The following FLACC1 variants were observed in gnomAD, a reference collection of about 807,000 sequenced individuals.
FLACC1 encodes flagellum associated containing coiled-coil domains 1.
FLACC1 carries 66 observed loss-of-function variants against 62.8 expected under a neutral mutation model. The ratio of observed to expected loss-of-function variants is 1.05; its 90% CI spans 0.86 to 1.29. The LOEUF (loss-of-function observed/expected upper bound fraction) is 1.29, where lower values mean the gene tolerates loss of function less well. FLACC1 is among the 50% of genes most tolerant of loss of function. FLACC1 has a pLI of 0.00. For synonymous variants in FLACC1, 156 were observed against 161.0 expected (o/e 0.97, Z 0.24); for missense variants, 452 against 489.1 (o/e 0.92, Z 0.71).
chr2:201,344,137 C>T (rs754150905), intron 6 of FLACC1, 33 bp downstream of exon 6: 13 of 1,535,492 alleles, frequency 8.5e-6, no homozygotes, highest in East Asian at 2.3e-5. Flanking sequence ...TTATTTTGTC[C>T]ATGAAGATGT....
chr2:201,350,979 T>C (rs1226611072), intron 2 of FLACC1, among the ~76,000 whole-genome samples, 197 bp from the exon 3 acceptor site: 1 of 152,212 alleles, frequency 6.6e-6, no homozygotes, highest in Non-Finnish European at 1.5e-5. Context: ...AGGAAGAGTT[T>C]GTCCCCCGAT....
intron 11 of FLACC1, among the ~76,000 whole-genome samples, chr2:201,300,483 T>C (rs2080303): frequency 0.72 from 109,497 of 152,058 alleles, 39,804 homozygotes; most frequent in South Asian, 0.83. Context: ...CCTCTGTAGA[T>C]TCCACTTCTG....
In FLACC1 at chr2:201,346,594, C is replaced by T. The variant is rs145567699; in HGVS notation, c.316G>A (p.Asp106Asn). 6.8e-6 allele frequency: 11 copies of T among 1,614,110 alleles called. No homozygotes were observed. The highest frequency in any genetic ancestry group is 1.6e-4 in the Middle Eastern group (1 of 6,084). The change falls in exon 5 of 15, where the codon GAT becomes AAT. Residue 106 changes from aspartate (D) to asparagine (N), a missense_variant. Asp to Asn is a conservative substitution (Grantham distance 23). Transcript: ENST00000392257. This position sits in a 1 kb window ranked among gnomAD's most constrained non-coding sequence, Gnocchi z 4.0. ...ISVTLGDEMFDRKKRWESEIP... is the reference protein window; with the variant it reads ...ISVTLGDEMFNRKKRWESEIP... ...TCCGATTCCCACCGCTTTTTCCTAT[C>T]AAACATCTCATCCCCTAAGGTGACA...
At chr2:201,362,251 A>G (rs988620872), upstream of FLACC1, among the ~76,000 whole-genome samples, 4 of 152,212 alleles carry the variant, frequency 2.6e-5, no homozygotes, top group Non-Finnish European at 5.9e-5. Flanking sequence ...ACTAAATTTG[A>G]TATCAAAGTA....
In FLACC1 at chr2:201,294,403, C is replaced by T. The variant is rs188017323; in HGVS notation, c.943-4618G>A. On this transcript the variant is annotated intron_variant, in intron 12 of 14. Transcript: ENST00000392257. ...AATAAATGTAATCCAGCATATAAAC[C>T]GAACCAATGACAAAAACCACATGAT... Among the ~76,000 whole-genome samples, 202 of 152,116 alleles carry T rather than the reference C, an allele frequency of 1.3e-3. 1 individual carries two copies. The highest frequency in any genetic ancestry group is 1.4e-3 in the Non-Finnish European group (95 of 67,974).
At chr2:201,337,521 A>G (rs1236188421) in intron 7 of FLACC1, among the ~76,000 whole-genome samples, 3 of 152,086 alleles carry the variant, frequency 2.0e-5, no homozygotes, top group African/African-American at 7.2e-5. Context: ...TTATACTAAT[A>G]CCTTGCCATT....
intron 12 of FLACC1, among the ~76,000 whole-genome samples, chr2:201,290,875 G>A (rs1010880571): frequency 6.6e-6 from 1 of 152,224 alleles, no homozygotes; most frequent in African/African-American, 2.4e-5. Flanking sequence ...CACACCAGAA[G>A]ATTGTATCCC....
chr2:201,330,477 G>A lies in FLACC1; in HGVS notation c.668C>T (p.Thr223Met), dbSNP rs147899975. ...GGGAGCTGTGTATCTCACCTGATAC[G>A]TACGAAACATATTCTTCAAATACTT... ...EYKYLKNMFRTYQDSIYDEME... is the reference protein window; with the variant it reads ...EYKYLKNMFRMYQDSIYDEME... The change falls in exon 9 of 15, where the codon ACG becomes ATG. Residue 223 changes from threonine (T) to methionine (M), a missense_variant. Physicochemically the swap from Thr to Met is moderately conservative, Grantham distance 81. Around this residue, in one of 3 missense-constraint regions of FLACC1, gnomAD observed 301 missense variants for 318.4 expected, o/e 0.95. Coordinates refer to ENST00000392257, the MANE Select transcript of FLACC1 (RefSeq NM_001127391.3). 33 of 1,613,456 alleles carry A rather than the reference G, an allele frequency of 2.0e-5. No individual in the cohort carries two copies. Among genetic ancestry groups the A allele is most frequent in the Middle Eastern group, 1.6e-4 (1 of 6,082 alleles).
At chr2:201,328,186 A>C (rs1156617351) in intron 9 of FLACC1, among the ~76,000 whole-genome samples, 3 of 152,110 alleles carry the variant, frequency 2.0e-5, no homozygotes, top group African/African-American at 4.8e-5. Flanking sequence ...ATAAAAAAAA[A>C]ACAAAACTAC....
intron 13 of FLACC1, 38 bp from the exon 14 acceptor site, chr2:201,289,604 C>T (rs762840366): frequency 1.2e-6 from 2 of 1,613,114 alleles, no homozygotes; most frequent in South Asian, 1.1e-5. Flanking sequence ...CTTCCCCAAC[C>T]CAGAGCCATC....
rs780908550 is a variant in FLACC1, at chr2:201,309,186, T to G, written c.740A>C (p.Glu247Ala). ...CAGGATATTTTCTCGCTCGAACTTC[T>G]CATCCTTCTTCCATTTCGCCTTCTG... ...SKQKAKWKKD[E>A]KFERENILLQ... The change falls in exon 10 of 15, where the codon GAG becomes GCG. Residue 247 changes from glutamate to alanine, a missense_variant. Physicochemically the swap from Glu to Ala is moderately radical, Grantham distance 107 (BLOSUM62 -1). Transcript: ENST00000392257. The G allele has an allele frequency of 6.2e-7, 1 of 1,614,124 alleles. No individual in the cohort carries two copies. Among genetic ancestry groups the G allele is most frequent in the East Asian group, 2.2e-5 (1 of 44,890 alleles).
At chr2:201,344,769 T>C (rs1950879941) in intron 5 of FLACC1, among the ~76,000 whole-genome samples, 2 of 152,312 alleles carry the variant, frequency 1.3e-5, no homozygotes, top group South Asian at 2.1e-4. Context: ...AAGGCTGCCA[T>C]GGTATCTGTA....
intron 9 of FLACC1, among the ~76,000 whole-genome samples, chr2:201,317,689 G>GA (rs1203209768): frequency 1.3e-5 from 2 of 151,406 alleles, no homozygotes; most frequent in Non-Finnish European, 2.9e-5. Context: ...CACAGAACTA[G>GA]AAAAAAAACT....
At chr2:201,348,230 C>T in intron 4 of FLACC1, 24 bp downstream of exon 4, 4 of 1,610,732 alleles carry the variant, frequency 2.5e-6, no homozygotes, top group South Asian at 1.1e-5. Context: ...TTTAGTCCCA[C>T]CGCCCTCTCC....
intron 11 of FLACC1, among the ~76,000 whole-genome samples, chr2:201,307,132 TA>T (rs1296012893): frequency 6.6e-6 from 1 of 152,192 alleles, no homozygotes; most frequent in Non-Finnish European, 1.5e-5. Context: ...CAAGTTCCCA[TA>T]AAGTTAAACC....
intron 7 of FLACC1, among the ~76,000 whole-genome samples, chr2:201,333,819 GT>G (rs1313054971): frequency 6.6e-6 from 1 of 152,072 alleles, no homozygotes; most frequent in Non-Finnish European, 1.5e-5. Flanking sequence ...GGACATTTGG[GT>G]TGGTTCCAAG....
chr2:201,363,538 C>T, the FLACC1 span, among the ~76,000 whole-genome samples: 1,207 of 152,202 alleles, frequency 7.9e-3, 15 homozygotes, highest in African/African-American at 0.027. Context: ...GCCCTCTCTG[C>T]TCCATGACCA....
intron 12 of FLACC1, among the ~76,000 whole-genome samples, chr2:201,297,413 G>A (rs1264070367): frequency 6.7e-6 from 1 of 150,270 alleles, no homozygotes; most frequent in African/African-American, 2.5e-5. Context: ...GTAGGTGGGA[G>A]AACAGTGGGG....
chr2:201,342,533 TC>T, intron 6 of FLACC1, 102 bp from the exon 7 acceptor site: 1 of 1,168,184 alleles, frequency 8.6e-7, no homozygotes, highest in South Asian at 1.3e-5. Flanking sequence ...ACAGCCGCCT[TC>T]CAATTCATGG....
Sources: gnomAD v4.1 joint callset for allele counts (sites outside exome capture counted in the v4.1 genomes callset) on GRCh38, gnomAD v4.1.1 for gene constraint, gnomAD v4.1.1 regional missense constraint, Gnocchi (gnomAD v3.1) non-coding constraint, MANE v1.5 for transcripts, NCBI Gene and HGNC (gene_info 2026-07-23, HGNC 2026-07-21) for gene names.